The following ADAMTS9 variants were observed in gnomAD, a reference collection of about 807,000 sequenced individuals.
The protein encoded by ADAMTS9 is A disintegrin and metalloproteinase with thrombospondin motifs 9.
In ADAMTS9, 107 loss-of-function variants were observed where a neutral mutation model predicts 257.1. That is an observed-to-expected ratio of 0.42 (90% confidence interval 0.36 to 0.49). The LOEUF is 0.49. Ranked by LOEUF, ADAMTS9 falls within the 20% of genes least tolerant of loss-of-function variation. The probability of loss-of-function intolerance (pLI) is 0.03; values close to 1 mark genes in which losing one functional copy is unlikely to be tolerated. For missense variants in ADAMTS9, 2,353 were observed against 2,469.1 expected (o/e 0.95, Z 1.00); for synonymous variants, 982 against 880.9 (o/e 1.11, Z -2.03).
At chr3:64,589,348 T>C (rs2084217395) in intron 28 of ADAMTS9, 2 of 152,216 alleles carry the variant, frequency 1.3e-5, no homozygotes, top group Admixed American at 6.5e-5. Flanking sequence ...ACATCCTTTA[T>C]GGAATATAAA....
rs1320628235 is a variant in ADAMTS9 at position 64,658,781 on chromosome 3, A to G, written c.690T>C (p.Asn230=). 6.2e-7 allele frequency: 1 copy of G among 1,612,364 alleles called. No individual in the cohort carries two copies. Among genetic ancestry groups the G allele is most frequent in the Non-Finnish European group, 8.5e-7 (1 of 1,179,332 alleles). Residue 230 remains asparagine, a synonymous_variant, in exon 4 of 40, where the codon AAT becomes AAC. Coordinates refer to ENST00000498707, the MANE Select transcript of ADAMTS9 (RefSeq NM_182920.2). ...TTTTCTTCTTGTCTTTACTGTGCCT[A>G]TTTTTGTGTTCTGTAACAAATCAGA... The part of the protein sequence containing the change: ...RHACDTSEHK[N]RHSKDKKKTR...
At position 64,607,022 on chromosome 3, in the gene ADAMTS9, T is replaced by A; in HGVS notation, c.3412A>T (p.Thr1138Ser). 6.2e-7 allele frequency: 1 copy of A among 1,613,894 alleles called. No homozygotes were observed. Among genetic ancestry groups the A allele is most frequent in the Non-Finnish European group, 8.5e-7 (1 of 1,179,828 alleles). Residue 1138 changes from threonine to serine, a missense_variant, in exon 23 of 40, where the codon ACT (threonine) becomes TCT (serine). Physicochemically the swap from Thr to Ser is moderately conservative, Grantham distance 58. Coordinates refer to ENST00000498707, the MANE Select transcript of ADAMTS9 (RefSeq NM_182920.2). ...TTGTCATCTACCACTGACATATAAG[T>A]CCCAATGATGCATTTCACTGCTCTT... Reference protein sequence around the residue: ...QLRAVKCIIGTYMSVVDDNDC... With the variant: ...QLRAVKCIIGSYMSVVDDNDC...
chr3:64,580,110 G>A (rs922919066), intron 28 of ADAMTS9, among the ~76,000 whole-genome samples: 3 of 151,284 alleles, frequency 2.0e-5, no homozygotes, highest in African/African-American at 7.4e-5. Flanking sequence ...GTGCAAAAAT[G>A]TATGTGTGTG....
intron 16 of ADAMTS9, among the ~76,000 whole-genome samples, chr3:64,630,065 A>G (rs1700330207): frequency 5.9e-5 from 2 of 33,694 alleles, no homozygotes; most frequent in Non-Finnish European, 4.4e-5. Flanking sequence ...AAAGTACATT[A>G]TTGCTTTTTA....
At chr3:64,539,755 C>T (rs1575993574) in intron 36 of ADAMTS9, among the ~76,000 whole-genome samples, 1 of 152,224 alleles carries the variant, frequency 6.6e-6, no homozygotes, top group Admixed American at 6.5e-5. Context: ...CTCTGTCCTC[C>T]TGTTGCCTAG....
At chr3:64,650,769 C>A (rs377114414) in intron 9 of ADAMTS9, 31 of 401,512 alleles carry the variant, frequency 7.7e-5, no homozygotes, top group African/African-American at 6.4e-4. Context: ...AATGAAGCAA[C>A]ATTTCCACAT....
At chr3:64,633,089 A>T (rs951324372) in intron 14 of ADAMTS9, among the ~76,000 whole-genome samples, 6 of 152,316 alleles carry the variant, frequency 3.9e-5, no homozygotes, top group South Asian at 4.1e-4. Context: ...TCTTCCTGAC[A>T]TATTTCTCAC....
intron 6 of ADAMTS9, 124 bp from the exon 7 acceptor site, chr3:64,654,736 A>T (rs1701020593): frequency 9.6e-7 from 1 of 1,040,318 alleles, no homozygotes; most frequent in African/African-American, 1.6e-5. Context: ...TAAAAAAAGC[A>T]AATTCATAAG....
chr3:64,541,411 A>G lies in ADAMTS9; in HGVS notation c.5296T>C (p.Phe1766Leu). The G allele has an allele frequency of 6.2e-7, 1 of 1,614,042 alleles. No homozygotes were observed. The highest frequency in any genetic ancestry group is 8.5e-7 in the Non-Finnish European group (1 of 1,179,920). Residue 1766 changes from phenylalanine (F) to leucine (L), a missense_variant, in exon 35 of 40, where the codon TTC becomes CTC. Coordinates refer to ENST00000498707, the MANE Select transcript of ADAMTS9 (RefSeq NM_182920.2). ...TGGTCAGAGTGCATCCCCGCACAGA[A>G]TATCTGAAAGACCATAAATAACCCA... The part of the protein sequence containing the change: ...LMIRGKLLKI[F>L]CAGMHSDHPK...
chr3:64,680,236 G>A lies in ADAMTS9; in HGVS notation c.679+965C>T, dbSNP rs1456365362. 2.0e-4 allele frequency among the ~76,000 whole-genome samples: 30 copies of A among 152,164 alleles called. 2 individuals are homozygous for A. The highest frequency in any genetic ancestry group is 2.0e-3 in the Admixed American group (30 of 15,268). ...GAGCATTTGAGGAAACTCCCTGGTG[G>A]TCTTGAATTTAGGCCTTGTTTGGAG... On this transcript the variant is annotated intron_variant, in intron 3 of 39. Transcript: ENST00000498707.
intron 38 of ADAMTS9, among the ~76,000 whole-genome samples, chr3:64,529,845 G>T (rs1007625705): frequency 4.6e-5 from 7 of 152,166 alleles, no homozygotes; most frequent in Admixed American, 3.9e-4. Flanking sequence ...TTTGAGATGG[G>T]TCTTACTCTG....
intron 28 of ADAMTS9, among the ~76,000 whole-genome samples, chr3:64,573,540 TC>T (rs2083754239): frequency 6.6e-6 from 1 of 152,230 alleles, no homozygotes. Context: ...GAATTACTAT[TC>T]AAGGCCTTTC....
intron 30 of ADAMTS9, chr3:64,561,303 G>T: frequency 3.5e-6 from 1 of 287,426 alleles, no homozygotes; most frequent in Admixed American, 4.8e-5. Context: ...GAATGCATTC[G>T]GCCCACAGCC....
intron 38 of ADAMTS9, among the ~76,000 whole-genome samples, chr3:64,523,841 T>G (rs1476686562): frequency 6.6e-6 from 1 of 152,180 alleles, no homozygotes; most frequent in Non-Finnish European, 1.5e-5. Flanking sequence ...TTTATTTTGA[T>G]TTTTGAGCTC....
intron 32 of ADAMTS9, among the ~76,000 whole-genome samples, chr3:64,542,490 C>A (rs11706104): frequency 0.035 from 5,145 of 145,080 alleles, 133 homozygotes; most frequent in Middle Eastern, 0.072. Flanking sequence ...TGCAATGGCA[C>A]AATCACAGCT....
intron 12 of ADAMTS9, among the ~76,000 whole-genome samples, chr3:64,636,067 C>G (rs1700486973): frequency 7.4e-6 from 1 of 135,890 alleles, no homozygotes; most frequent in Non-Finnish European, 1.5e-5. Flanking sequence ...TCCCTTTGAA[C>G]ATAAAGTTTT....
intron 28 of ADAMTS9, among the ~76,000 whole-genome samples, chr3:64,586,056 T>G (rs2084143718): frequency 6.6e-6 from 1 of 152,134 alleles, no homozygotes; most frequent in Non-Finnish European, 1.5e-5. Context: ...TATCTTGGCT[T>G]AAACCACTAG....
chr3:64,516,474 G>A lies in ADAMTS9; in HGVS notation c.*653C>T, dbSNP rs575534213. On this transcript the variant is annotated 3_prime_UTR_variant, in exon 40 of 40. Transcript: ENST00000498707. Reference sequence around the variant, plus strand: ...TCTGTGCACTGGAAATTGTCCTTCCGTTCCTCCCTTTCATTAAAAGTGTTT... The same window carrying A: ...TCTGTGCACTGGAAATTGTCCTTCCATTCCTCCCTTTCATTAAAAGTGTTT... The A allele has an allele frequency of 7.2e-5, 11 of 152,652 alleles. No homozygotes were observed. In the South Asian group the frequency reaches 1.0e-3, roughly 14 times the overall value. The allele number at this position is 152,652 out of a possible 1,614,324, so 9.5% of individuals were successfully genotyped here.
At chr3:64,685,991 G>C (rs1701894788) in intron 2 of ADAMTS9, among the ~76,000 whole-genome samples, 1 of 152,194 alleles carries the variant, frequency 6.6e-6, no homozygotes, top group African/African-American at 2.4e-5. Flanking sequence ...TTCCGTTCCT[G>C]GGACGGGACC....
Sources: gnomAD v4.1 joint callset for allele counts (sites outside exome capture counted in the v4.1 genomes callset) on GRCh38, gnomAD v4.1.1 for gene constraint, MANE v1.5 for transcripts, NCBI Gene and HGNC (gene_info 2026-07-23, HGNC 2026-07-21) for gene names.